The following C10orf90 variants were observed in gnomAD, a reference collection of about 807,000 sequenced individuals.
The protein encoded by C10orf90 is chromosome 10 open reading frame 90, also known as (E2-independent) E3 ubiquitin-conjugating enzyme FATS.
A neutral mutation model predicts 62.5 loss-of-function variants in C10orf90; 56 were observed. That is an observed-to-expected ratio of 0.90 (90% CI 0.72 to 1.12). The LOEUF is 1.12. Among genes scored for constraint, C10orf90 ranks in the 50% most tolerant of loss-of-function variants. C10orf90 has a pLI of 0.00. For synonymous variants in C10orf90, 386 were observed against 340.4 expected (o/e 1.13, Z -1.47); for missense variants, 970 against 880.4 (o/e 1.10, Z -1.29).
In C10orf90 at chr10:126,575,889, G is replaced by A. The variant is rs575016933; in HGVS notation, c.314-61950C>T. 1.1e-4 allele frequency among the ~76,000 whole-genome samples: 17 copies of A among 152,094 alleles called. No individual in the cohort carries two copies. The East Asian group carries it at 1.2e-3, about 10-fold the overall frequency. On this transcript the variant is annotated intron_variant, in intron 2 of 9. Coordinates refer to ENST00000488181, the MANE Select transcript of C10orf90 (RefSeq NM_001350921.2). Reference sequence around the variant, plus strand: ...ACTATAGGCAGAAGAATGAAACTACGTTCCAACCTCTCACCTTGTAAAAAA... The same window carrying A: ...ACTATAGGCAGAAGAATGAAACTACATTCCAACCTCTCACCTTGTAAAAAA...
At chr10:126,538,163 A>G (rs1240168908) in intron 2 of C10orf90, among the ~76,000 whole-genome samples, 1 of 152,210 alleles carries the variant, frequency 6.6e-6, no homozygotes, top group East Asian at 1.9e-4. Flanking sequence ...GCACATCCAC[A>G]TGGCGGCAGG....
At chr10:126,454,155 A>G (rs769194091) in intron 7 of C10orf90, among the ~76,000 whole-genome samples, 1 of 152,006 alleles carries the variant, frequency 6.6e-6, no homozygotes, top group Non-Finnish European at 1.5e-5. Context: ...ATCCCCTATG[A>G]CCACAGGGAC....
At chr10:126,629,921 G>A (rs1319524163) in intron 2 of C10orf90, among the ~76,000 whole-genome samples, 1 of 152,184 alleles carries the variant, frequency 6.6e-6, no homozygotes, top group Non-Finnish European at 1.5e-5. Context: ...ATGATCATCT[G>A]TAAACCTCAC....
chr10:126,503,600 C>A, intron 4 of C10orf90, among the ~76,000 whole-genome samples: 1 of 152,138 alleles, frequency 6.6e-6, no homozygotes, highest in East Asian at 1.9e-4. Context: ...GATGAAACAT[C>A]TGGGGGCGAA....
chr10:126,473,770 G>T (rs577781492), intron 4 of C10orf90, among the ~76,000 whole-genome samples: 1 of 151,992 alleles, frequency 6.6e-6, no homozygotes, highest in Non-Finnish European at 1.5e-5. Context: ...AGACAGATGC[G>T]TGGTAGCATA....
intron 2 of C10orf90, among the ~76,000 whole-genome samples, chr10:126,530,576 C>G (rs1220492620): frequency 6.6e-6 from 1 of 151,092 alleles, no homozygotes; most frequent in Non-Finnish European, 1.5e-5. Flanking sequence ...AAGAATTGAC[C>G]CATTATCAAA....
At chr10:126,483,669 G>A (rs1287852046) in intron 4 of C10orf90, among the ~76,000 whole-genome samples, 2 of 152,206 alleles carry the variant, frequency 1.3e-5, no homozygotes, top group Non-Finnish European at 2.9e-5. Context: ...TAAGACTTCA[G>A]CATTAGCTCT....
intron 2 of C10orf90, among the ~76,000 whole-genome samples, chr10:126,585,653 A>C (rs1347080907): frequency 6.6e-6 from 1 of 152,198 alleles, no homozygotes; most frequent in African/African-American, 2.4e-5. Context: ...CAGATTCAGC[A>C]TGTATGAGTC....
At chr10:126,518,763 T>C (rs1483859276) in intron 2 of C10orf90, among the ~76,000 whole-genome samples, 1 of 152,134 alleles carries the variant, frequency 6.6e-6, no homozygotes, top group Non-Finnish European at 1.5e-5. Context: ...TTGCACCCGC[T>C]GCTGTCTCCA....
intron 2 of C10orf90, among the ~76,000 whole-genome samples, chr10:126,579,132 T>C (rs1844690474): frequency 6.6e-6 from 1 of 151,920 alleles, no homozygotes; most frequent in South Asian, 2.1e-4. Context: ...CTTGCCAGGG[T>C]AGCAACAGCA....
intron 2 of C10orf90, among the ~76,000 whole-genome samples, chr10:126,563,258 A>G (rs1164749792): frequency 6.6e-6 from 1 of 152,122 alleles, no homozygotes; most frequent in African/African-American, 2.4e-5. Context: ...CGTCCACCGC[A>G]CGCCTGCCAC....
At chr10:126,439,011 G>A (rs4325239) in intron 7 of C10orf90, among the ~76,000 whole-genome samples, 106,756 of 151,878 alleles carry the variant, frequency 0.7, 37,965 homozygotes, top group East Asian at 0.91. Context: ...ACCATACATC[G>A]TACACCAATG....
chr10:126,588,444 T>C (rs1844916833), intron 2 of C10orf90, among the ~76,000 whole-genome samples: 2 of 152,122 alleles, frequency 1.3e-5, no homozygotes, highest in South Asian at 4.1e-4. Flanking sequence ...CGGCATCAGA[T>C]TGGTGGTTCC....
chr10:126,436,742 G>C (rs1310741706), intron 7 of C10orf90, among the ~76,000 whole-genome samples: 1 of 152,134 alleles, frequency 6.6e-6, no homozygotes, highest in Non-Finnish European at 1.5e-5. Flanking sequence ...GCTTACTGCA[G>C]CCTCGACCTC....
intron 2 of C10orf90, among the ~76,000 whole-genome samples, chr10:126,579,510 G>A (rs938653725): frequency 1.3e-5 from 2 of 151,894 alleles, no homozygotes; most frequent in African/African-American, 4.8e-5. Context: ...CAAAGTGCTG[G>A]GCTTAAAGGC....
At chr10:126,611,219 A>T (rs1347947672) in intron 2 of C10orf90, among the ~76,000 whole-genome samples, 1 of 152,128 alleles carries the variant, frequency 6.6e-6, no homozygotes, top group African/African-American at 2.4e-5. Context: ...CCTATTCTGG[A>T]CATTTCGTAT....
intron 2 of C10orf90, among the ~76,000 whole-genome samples, chr10:126,544,361 T>A (rs1334167531): frequency 6.6e-6 from 1 of 152,208 alleles, no homozygotes; most frequent in East Asian, 1.9e-4. Flanking sequence ...ATCCCCAGCC[T>A]GTCAATCATC....
At chr10:126,450,543 T>G (rs914749931) in intron 7 of C10orf90, among the ~76,000 whole-genome samples, 28 of 152,168 alleles carry the variant, frequency 1.8e-4, no homozygotes, top group African/African-American at 6.8e-4. Context: ...CATCTATGTA[T>G]TTACATTCAA....
At chr10:126,567,482 A>G (rs578248896) in intron 2 of C10orf90, among the ~76,000 whole-genome samples, 1 of 152,260 alleles carries the variant, frequency 6.6e-6, no homozygotes, top group Admixed American at 6.5e-5. Flanking sequence ...TTGAGCAGGG[A>G]CATAGATCCA....
Sources: gnomAD v4.1 joint callset for allele counts (sites outside exome capture counted in the v4.1 genomes callset) on GRCh38, gnomAD v4.1.1 for gene constraint, MANE v1.5 for transcripts, NCBI Gene and HGNC (gene_info 2026-07-23, HGNC 2026-07-21) for gene names.